CNBD1: variants seen among roughly 807,000 people sequenced by gnomAD.
CNBD1 encodes cyclic nucleotide-binding domain-containing protein 1.
A neutral mutation model predicts 54.4 loss-of-function variants in CNBD1; 71 were observed. The observed-to-expected ratio is 1.30, with a 90% CI of 1.08 to 1.59. The LOEUF is 1.59. CNBD1 is among the 40% of genes most tolerant of loss of function. The pLI is 0.00. For missense variants in CNBD1, 659 were observed against 518.0 expected, an observed-to-expected ratio of 1.27 and a Z score of -2.64; for synonymous variants, 182 against 170.7, an observed-to-expected ratio of 1.07 and a Z score of -0.51.
chr8:86,880,122 G>C (rs1334836541), intron 1 of CNBD1, among the ~76,000 whole-genome samples: 1 of 152,144 alleles, frequency 6.6e-6, no homozygotes, highest in African/African-American at 2.4e-5. Flanking sequence ...TAGTATTACA[G>C]ATGAGATTCA....
chr8:86,927,763 G>A (rs1221952345), intron 3 of CNBD1, among the ~76,000 whole-genome samples: 1 of 152,088 alleles, frequency 6.6e-6, no homozygotes, highest in Admixed American at 6.6e-5. Flanking sequence ...GATTACATAG[G>A]TTTTCACTTA....
intron 4 of CNBD1, among the ~76,000 whole-genome samples, chr8:87,113,662 G>A (rs898736107): frequency 3.3e-5 from 5 of 152,190 alleles, no homozygotes; most frequent in Admixed American, 1.3e-4. Context: ...ACTCACGCCT[G>A]TAATCCCAGC....
Position 87,293,849 on chromosome 8 carries a change from A to G in CNBD1, c.1042+7178A>G, listed in dbSNP as rs530291039. On this transcript the variant is annotated intron_variant, in intron 8 of 10. Coordinates refer to ENST00000518476, the MANE Select transcript of CNBD1 (RefSeq NM_173538.3). ...ACTGATAATGTGAGGCAGGAAAAAT[A>G]GCATAAGCCAATATATGGTTTTCAG... Among the ~76,000 whole-genome samples, 10 of 152,328 alleles carry G rather than the reference A, an allele frequency of 6.6e-5. 1 individual carries two copies. The South Asian group carries it at 2.1e-3, about 32-fold the overall frequency.
intron 4 of CNBD1, among the ~76,000 whole-genome samples, chr8:86,979,402 C>CA (rs776634552): frequency 0.55 from 5,726 of 10,352 alleles, 1,305 homozygotes; most frequent in Non-Finnish European, 0.59. Context: ...ATCATCTCTA[C>CA]AAAAAAAAAA....
intron 4 of CNBD1, among the ~76,000 whole-genome samples, chr8:87,004,946 G>C (rs1394767248): frequency 6.6e-6 from 1 of 151,904 alleles, no homozygotes; most frequent in African/African-American, 2.4e-5. Context: ...TGTTTCATTT[G>C]GGCAGGCATC....
At chr8:87,241,333 C>G (rs949237359) in intron 6 of CNBD1, among the ~76,000 whole-genome samples, 10 of 138,118 alleles carry the variant, frequency 7.2e-5, no homozygotes, top group South Asian at 2.3e-4. Context: ...TGCAGTGGCG[C>G]GATCTCGGCT....
Position 87,353,717 on chromosome 8 carries a change from C to T in CNBD1, c.1234C>T (p.Pro412Ser), listed in dbSNP as rs775205356. The change falls in exon 10 of 11, where the codon CCT becomes TCT. Residue 412 changes from proline (P) to serine (S), a missense_variant. Transcript: ENST00000518476. ...FGEISVLLQV[P>S]FTCTIITKKE... ...TGAGATTAGCGTCCTTCTTCAAGTTCCTTTCACGTGCACAATCATTACCAA... is the reference window on the plus strand; with the variant it reads ...TGAGATTAGCGTCCTTCTTCAAGTTTCTTTCACGTGCACAATCATTACCAA... The T allele has an allele frequency of 6.2e-7, 1 of 1,611,512 alleles. No homozygotes were observed. Among genetic ancestry groups the T allele is most frequent in the Non-Finnish European group, 8.5e-7 (1 of 1,178,542 alleles).
chr8:87,004,769 G>A (rs929568915), intron 4 of CNBD1, among the ~76,000 whole-genome samples: 10 of 151,972 alleles, frequency 6.6e-5, no homozygotes, highest in Non-Finnish European at 1.0e-4. Context: ...GTTTTAATTC[G>A]AACAATATAA....
At chr8:87,348,424 A>G (rs1055857391) in intron 8 of CNBD1, among the ~76,000 whole-genome samples, 1 of 152,170 alleles carries the variant, frequency 6.6e-6, no homozygotes, top group Non-Finnish European at 1.5e-5. Context: ...AAAGCAAACT[A>G]TATATATTTG....
chr8:87,266,602 C>T (rs181620419), intron 6 of CNBD1, among the ~76,000 whole-genome samples: 363 of 151,666 alleles, frequency 2.4e-3, no homozygotes, highest in Non-Finnish European at 4.3e-3. Flanking sequence ...CAGGCGTGTG[C>T]CACCACCCCG....
chr8:86,939,560 A>G (rs1403230040), intron 3 of CNBD1, 36 bp from the exon 4 acceptor site: 4 of 1,480,042 alleles, frequency 2.7e-6, no homozygotes, highest in Non-Finnish European at 2.8e-6. Context: ...TTTATGCAGT[A>G]TACAACAGCA....
intron 10 of CNBD1, among the ~76,000 whole-genome samples, chr8:87,365,015 A>G (rs764993007): frequency 1.3e-5 from 2 of 152,008 alleles, no homozygotes; most frequent in African/African-American, 2.4e-5. Flanking sequence ...CCCAGTGGTG[A>G]GATTGCTGGA....
intron 1 of CNBD1, among the ~76,000 whole-genome samples, chr8:86,877,523 G>A (rs1243588692): frequency 6.6e-6 from 1 of 152,058 alleles, no homozygotes; most frequent in Non-Finnish European, 1.5e-5. Flanking sequence ...ACATTGCTGT[G>A]GAGAAGTCTG....
chr8:87,332,668 G>C (rs897789229), intron 8 of CNBD1, among the ~76,000 whole-genome samples: 1 of 152,084 alleles, frequency 6.6e-6, no homozygotes, highest in Admixed American at 6.5e-5. Context: ...TATTAGGTTT[G>C]TCGAATATCA....
At chr8:86,958,462 T>G (rs1327018360) in intron 4 of CNBD1, among the ~76,000 whole-genome samples, 1 of 152,208 alleles carries the variant, frequency 6.6e-6, no homozygotes, top group African/African-American at 2.4e-5. Context: ...TGTGGGAGTC[T>G]AAGTCTCTTT....
chr8:87,048,682 C>T (rs918123258), intron 4 of CNBD1, among the ~76,000 whole-genome samples: 12 of 152,106 alleles, frequency 7.9e-5, no homozygotes, highest in African/African-American at 2.7e-4. Context: ...AATGCCTCCA[C>T]CCAGTTAATC....
At chr8:87,015,187 G>T (rs1329552768) in intron 4 of CNBD1, among the ~76,000 whole-genome samples, 1 of 152,106 alleles carries the variant, frequency 6.6e-6, no homozygotes, top group Non-Finnish European at 1.5e-5. Flanking sequence ...TTTTGTGGGG[G>T]AGGGGGCGAA....
chr8:87,267,054 C>A (rs1808273121), intron 6 of CNBD1, among the ~76,000 whole-genome samples: 1 of 151,992 alleles, frequency 6.6e-6, no homozygotes, highest in Admixed American at 6.6e-5. Context: ...CAGAGATATT[C>A]TAAGTAAATG....
chr8:86,966,789 G>A (rs1262030653), intron 4 of CNBD1, among the ~76,000 whole-genome samples: 3 of 152,198 alleles, frequency 2.0e-5, no homozygotes, highest in Non-Finnish European at 4.4e-5. Flanking sequence ...GTGAGCAGCA[G>A]CAAGAGTTTT....
Sources: gnomAD v4.1 joint callset for allele counts (sites outside exome capture counted in the v4.1 genomes callset) on GRCh38, gnomAD v4.1.1 for gene constraint, MANE v1.5 for transcripts, NCBI Gene and HGNC (gene_info 2026-07-23, HGNC 2026-07-21) for gene names.